Variants in ARID1B observed in about 807,000 individuals in gnomAD.
The protein encoded by ARID1B is AT-rich interaction domain 1B, also known as AT-rich interactive domain-containing protein 1B.
ARID1B carries 30 observed loss-of-function variants against 212.3 expected under a neutral mutation model. The observed-to-expected ratio is 0.14, with a 90% confidence interval of 0.11 to 0.19. The LOEUF (loss-of-function observed/expected upper bound fraction) is 0.19. Ranked by LOEUF, ARID1B falls within the 10% of genes least tolerant of loss-of-function variation. ARID1B has a pLI of 1.00. For synonymous variants in ARID1B, 1,402 were observed against 1,301.7 expected (o/e 1.08, Z -1.66); for missense variants, 2,891 against 3,204.0 (o/e 0.90, Z 2.36).
chr6:156,815,266 A>C (rs1205987471), intron 1 of ARID1B, among the ~76,000 whole-genome samples: 1 of 152,186 alleles, frequency 6.6e-6, no homozygotes, highest in African/African-American at 2.4e-5. Context: ...ACGTAGGGTA[A>C]AATTTTCTAC....
At chr6:156,848,937 A>G (rs1321522588) in intron 2 of ARID1B, among the ~76,000 whole-genome samples, 1 of 152,222 alleles carries the variant, frequency 6.6e-6, no homozygotes, top group East Asian at 1.9e-4. Context: ...CAAGGAGACA[A>G]CTTTGAGTAA....
chr6:157,004,498 C>T (rs1040455797), intron 4 of ARID1B, among the ~76,000 whole-genome samples: 4 of 152,082 alleles, frequency 2.6e-5, no homozygotes, highest in South Asian at 2.1e-4. Context: ...GAAAAAGGCT[C>T]GAAGAACACT....
At chr6:156,982,494 T>C (rs1241707829) in intron 4 of ARID1B, among the ~76,000 whole-genome samples, 1 of 151,054 alleles carries the variant, frequency 6.6e-6, no homozygotes, top group Admixed American at 6.6e-5. Flanking sequence ...TTTGGGGCAA[T>C]TATCTTATAT....
rs375083314 is a variant in ARID1B at position 156,829,525 on chromosome 6, C to T, written c.1986+104C>T. 1.5e-4 allele frequency: 173 copies of T among 1,185,428 alleles called. 1 individual carries two copies. Among genetic ancestry groups the T allele is most frequent in the African/African-American group, 1.4e-3 (89 of 64,574 alleles). 73.4% of individuals were successfully genotyped at this position (1,185,428 alleles called of 1,614,324 possible). On this transcript the variant is annotated intron_variant, in intron 2 of 19. Transcript: ENST00000636930. ...TTAAAGAGAATTAGGGGGCATTGCA[C>T]GGATTTTCTGCTTTAATTTTTATTG... is the stretch of plus-strand genomic sequence containing the variant.
chr6:156,861,504 G>A (rs1343219557), intron 2 of ARID1B, among the ~76,000 whole-genome samples: 8 of 152,074 alleles, frequency 5.3e-5, no homozygotes, highest in African/African-American at 7.2e-5. Flanking sequence ...TCAGCTACTC[G>A]GGAGGCTGAG....
intron 2 of ARID1B, among the ~76,000 whole-genome samples, chr6:156,891,566 A>AT: frequency 6.6e-6 from 1 of 152,348 alleles, no homozygotes; most frequent in East Asian, 1.9e-4. Context: ...AGATTCTCAC[A>AT]TTCAAAAATA....
intron 7 of ARID1B, among the ~76,000 whole-genome samples, chr6:157,135,396 T>A (rs1039593542): frequency 6.6e-6 from 1 of 152,214 alleles, no homozygotes; most frequent in African/African-American, 2.4e-5. Context: ...TTTTAAGGCA[T>A]GAACCTTGAG....
chr6:157,104,265 C>T (rs1786306444), intron 5 of ARID1B, among the ~76,000 whole-genome samples: 1 of 152,170 alleles, frequency 6.6e-6, no homozygotes, highest in African/African-American at 2.4e-5. Context: ...ACAATCTCAA[C>T]ATGGTAAAAT....
chr6:156,990,266 C>T (rs1167821873), intron 4 of ARID1B, among the ~76,000 whole-genome samples: 2 of 151,462 alleles, frequency 1.3e-5, no homozygotes, highest in African/African-American at 4.9e-5. Flanking sequence ...CTGGAACTCC[C>T]GGCTCAAGCG....
At chr6:156,829,119 A>G (rs1782960730) in intron 1 of ARID1B, 108 bp from the exon 2 acceptor site, 1 of 902,814 alleles carries the variant, frequency 1.1e-6, no homozygotes, top group African/African-American at 1.7e-5. Flanking sequence ...TAATATTTTT[A>G]AAACTTAAGG....
intron 9 of ARID1B, chr6:157,172,695 A>G (rs187946835): frequency 7.9e-4 from 120 of 152,260 alleles, no homozygotes; most frequent in African/African-American, 2.7e-3. Context: ...GAGCCTGCTC[A>G]CTCTCTCACT....
At chr6:156,911,974 T>A (rs1789926999) in intron 3 of ARID1B, among the ~76,000 whole-genome samples, 1 of 152,266 alleles carries the variant, frequency 6.6e-6, no homozygotes, top group Non-Finnish European at 1.5e-5. Context: ...GGAAATGTTA[T>A]AAATTTGTAA....
intron 5 of ARID1B, among the ~76,000 whole-genome samples, chr6:157,090,557 GTTC>G (rs946386254): frequency 1.3e-5 from 2 of 152,218 alleles, no homozygotes; most frequent in African/African-American, 4.8e-5. Context: ...CATGGCTATT[GTTC>G]TTCTTGCTTG....
At chr6:156,935,945 A>G (rs998518479) in intron 4 of ARID1B, 11 of 165,516 alleles carry the variant, frequency 6.6e-5, no homozygotes, top group African/African-American at 2.6e-4. Context: ...AGAAATTTGC[A>G]CTTTGCAAAG....
At chr6:157,161,365 T>A (rs1790916665) in intron 8 of ARID1B, among the ~76,000 whole-genome samples, 2 of 151,752 alleles carry the variant, frequency 1.3e-5, no homozygotes, top group Non-Finnish European at 2.9e-5. Context: ...GGCACGCTGG[T>A]GGATTAGCCA....
intron 4 of ARID1B, among the ~76,000 whole-genome samples, chr6:156,949,238 A>C (rs183039893): frequency 6.6e-6 from 1 of 152,248 alleles, no homozygotes; most frequent in East Asian, 1.9e-4. Context: ...TAGGGATAAA[A>C]ACATCTTTCA....
chr6:157,148,324 T>C lies in ARID1B; in HGVS notation c.2762-300T>C, dbSNP rs1294944218. ...GAGGCAGCACTCGGTGTCCCTTGCC[T>C]ATTCATAGGGTTTGTTTTTTGTTTT... is the stretch of plus-strand genomic sequence containing the variant. On this transcript the variant is annotated intron_variant, in intron 7 of 19. Transcript: ENST00000636930. This position sits in a 1 kb window ranked among gnomAD's most constrained non-coding sequence, Gnocchi z 5.6. 2.6e-5 allele frequency among the ~76,000 whole-genome samples: 4 copies of C among 152,174 alleles called. No homozygotes were observed. Among genetic ancestry groups the C allele is most frequent in the Non-Finnish European group, 5.9e-5 (4 of 68,042 alleles).
intron 5 of ARID1B, among the ~76,000 whole-genome samples, chr6:157,092,786 T>G (rs1273976909): frequency 2.0e-5 from 3 of 152,192 alleles, no homozygotes; most frequent in Non-Finnish European, 4.4e-5. Context: ...TGTATGAAAA[T>G]ACAAGAAAGC....
At chr6:157,189,491 A>T in intron 13 of ARID1B, 151 bp from the exon 14 acceptor site, 1 of 977,358 alleles carries the variant, frequency 1.0e-6, no homozygotes, top group Non-Finnish European at 1.4e-6. Flanking sequence ...ATTTTACAAC[A>T]TCATTATCAG....
Sources: gnomAD v4.1 joint callset for allele counts (sites outside exome capture counted in the v4.1 genomes callset) on GRCh38, gnomAD v4.1.1 for gene constraint, Gnocchi (gnomAD v3.1) non-coding constraint, MANE v1.5 for transcripts, NCBI Gene and HGNC (gene_info 2026-07-23, HGNC 2026-07-21) for gene names.